Variants in VSNL1 observed in about 807,000 individuals in gnomAD.
VSNL1 encodes the protein visinin-like protein 1.
VSNL1 carries 6 observed loss-of-function variants against 20.4 expected under a neutral mutation model. The observed-to-expected ratio is 0.29, with a 90% CI of 0.16 to 0.58. The LOEUF is 0.58. Among genes scored for constraint, VSNL1 ranks in the 20% least tolerant of loss-of-function variants. The pLI, the probability that VSNL1 is intolerant of heterozygous loss-of-function variation, is 0.90. For synonymous variants in VSNL1, 93 were observed against 86.4 expected, an observed-to-expected ratio of 1.08 and a Z score of -0.42; for missense variants, 100 against 234.5, an observed-to-expected ratio of 0.43 and a Z score of 3.75.
chr2:17,653,322 T>C (rs1666159758), intron 3 of VSNL1, among the ~76,000 whole-genome samples: 1 of 152,220 alleles, frequency 6.6e-6, no homozygotes, highest in South Asian at 2.1e-4. Flanking sequence ...CTTATTACCC[T>C]GACTTTATTA....
Position 17,586,522 on chromosome 2 carries a change from A to G in VSNL1, c.-5-5548A>G, listed in dbSNP as rs566100078. Among the ~76,000 whole-genome samples, 9 of 152,320 alleles carry G rather than the reference A, an allele frequency of 5.9e-5. No individual in the cohort carries two copies. The South Asian group carries it at 1.0e-3, about 18-fold the overall frequency. On this transcript the variant is annotated intron_variant, in intron 1 of 3. Coordinates refer to ENST00000295156, the MANE Select transcript of VSNL1 (RefSeq NM_003385.5). ...CCTCTGTGTTATGTAGCTCTCTACT[A>G]TGAGTATTCATTTCATCATGCTTCA... is the stretch of plus-strand genomic sequence containing the variant.
Position 17,557,435 on chromosome 2 carries a change from G to A in VSNL1, c.-6+16517G>A, listed in dbSNP as rs570303337. Among the ~76,000 whole-genome samples the A allele has an allele frequency of 2.0e-5, 3 of 152,266 alleles. No homozygotes were observed. The South Asian group carries it at 6.2e-4, about 32-fold the overall frequency. On this transcript the variant is annotated intron_variant, in intron 1 of 3. Transcript: ENST00000295156. ...AGATTAGAGTCTAGCTGGAGGAATG[G>A]ATATTAAACAAATAATCACAAAATG...
At chr2:17,578,306 C>G (rs998128774) in intron 1 of VSNL1, among the ~76,000 whole-genome samples, 5 of 152,154 alleles carry the variant, frequency 3.3e-5, no homozygotes, top group Non-Finnish European at 5.9e-5. Context: ...ATAACTGGCT[C>G]TTTGGATTCT....
intron 1 of VSNL1, among the ~76,000 whole-genome samples, chr2:17,575,208 G>T (rs1664179016): frequency 6.6e-6 from 1 of 152,168 alleles, no homozygotes; most frequent in Non-Finnish European, 1.5e-5. Flanking sequence ...AGAAATGCAG[G>T]CTGGTTGCTG....
chr2:17,595,730 G>A (rs62132125), intron 2 of VSNL1, among the ~76,000 whole-genome samples: 16,688 of 152,094 alleles, frequency 0.11, 1,184 homozygotes, highest in African/African-American at 0.2. Flanking sequence ...GTGTCTTTAG[G>A]AGAGGAAATT....
chr2:17,555,919 G>T (rs890227278), intron 1 of VSNL1, among the ~76,000 whole-genome samples: 7 of 152,100 alleles, frequency 4.6e-5, no homozygotes, highest in Admixed American at 1.3e-4. Flanking sequence ...GAGACATAAA[G>T]ATCCTTAAGA....
chr2:17,541,151 G>C (rs1663277169), intron 1 of VSNL1: 1 of 151,298 alleles, frequency 6.6e-6, no homozygotes, highest in Admixed American at 6.6e-5. Context: ...GTGTTTGGGG[G>C]ATTGTCTTAG....
Position 17,655,437 on chromosome 2 carries a change from C to T in VSNL1, c.*43C>T. On this transcript the variant is annotated 3_prime_UTR_variant, in exon 4 of 4. Coordinates refer to ENST00000295156, the MANE Select transcript of VSNL1 (RefSeq NM_003385.5). This position sits in a 1 kb window ranked among gnomAD's most constrained non-coding sequence, Gnocchi z 5.2. ...GGACTGCACAAAAGTCTCAATGTTC[C>T]ATTCAGTCTGCAGCTATTCACACAC... The T allele has an allele frequency of 7.1e-7, 1 of 1,402,806 alleles. No homozygotes were observed. Among genetic ancestry groups the T allele is most frequent in the Admixed American group, 1.7e-5 (1 of 58,300 alleles). The allele number at this position is 1,402,806 out of a possible 1,614,324, so 86.9% of individuals were successfully genotyped here. A position where few individuals can be genotyped will look rare whatever the true frequency, so the allele number is the denominator to read the frequency against.
chr2:17,595,092 T>G (rs1664682722), intron 2 of VSNL1, among the ~76,000 whole-genome samples: 1 of 152,156 alleles, frequency 6.6e-6, no homozygotes, highest in South Asian at 2.1e-4. Context: ...GAGTGAGATT[T>G]GTAAAACACA....
At position 17,649,525 on chromosome 2, in the gene VSNL1, C is replaced by T. The variant is rs1216366727; in HGVS notation, c.278C>T (p.Ser93Phe). 1 of 1,614,170 alleles carries T rather than the reference C, an allele frequency of 6.2e-7. No homozygotes were observed. Among genetic ancestry groups the T allele is most frequent in the Non-Finnish European group, 8.5e-7 (1 of 1,180,034 alleles). ...TTCATCTGCGCTCTGTCCATCACCT[C>T]CAGGGGCAGCTTTGAGCAGAAGCTG... ...REFICALSITSRGSFEQKLNW... is the reference protein window; with the variant it reads ...REFICALSITFRGSFEQKLNW... Residue 93 changes from serine (S) to phenylalanine (F), a missense_variant, in exon 3 of 4, where the codon TCC becomes TTC. Physicochemically the swap from Ser to Phe is radical, Grantham distance 155. Coordinates refer to ENST00000295156, the MANE Select transcript of VSNL1 (RefSeq NM_003385.5). This position sits in a 1 kb window ranked among gnomAD's most constrained non-coding sequence, Gnocchi z 6.4.
intron 2 of VSNL1, among the ~76,000 whole-genome samples, chr2:17,602,112 T>G (rs950123625): frequency 1.9e-4 from 29 of 152,214 alleles, no homozygotes; most frequent in African/African-American, 7.0e-4. Context: ...TGACCCACCT[T>G]GGGTCTGTGA....
chr2:17,545,459 G>C (rs551419000), intron 1 of VSNL1, among the ~76,000 whole-genome samples: 4 of 151,964 alleles, frequency 2.6e-5, no homozygotes, highest in African/African-American at 9.7e-5. Context: ...CTATTTACAA[G>C]AATAAGAATA....
At chr2:17,647,743 A>G (rs1247091129) in intron 2 of VSNL1, among the ~76,000 whole-genome samples, 1 of 152,138 alleles carries the variant, frequency 6.6e-6, no homozygotes, top group East Asian at 1.9e-4. Flanking sequence ...CCTCTGTTCT[A>G]GTTCTTATCA....
intron 2 of VSNL1, among the ~76,000 whole-genome samples, chr2:17,619,067 C>T (rs1044119507): frequency 2.6e-5 from 4 of 152,184 alleles, no homozygotes; most frequent in Non-Finnish European, 2.9e-5. Context: ...CACTGTGTGC[C>T]ACACGGCAGG....
rs150979942 is a variant in VSNL1 at position 17,579,002 on chromosome 2, C to A, written c.-5-13068C>A. Among the ~76,000 whole-genome samples, 282 of 152,358 alleles carry A rather than the reference C, an allele frequency of 1.9e-3. 3 individuals are homozygous for A. Among genetic ancestry groups the A allele is most frequent in the African/African-American group, 6.5e-3 (270 of 41,584 alleles). On this transcript the variant is annotated intron_variant, in intron 1 of 3. Transcript: ENST00000295156. ...TTCCTCCAGCTTCTTTTTTGTGAAT[C>A]TTCTGTTGGCTCCTCATCAACAAGT...
In VSNL1 at chr2:17,649,030, T is replaced by C. The variant is rs752057810; in HGVS notation, c.163-380T>C. Reference sequence around the variant, plus strand: ...CCAGATTCTCATATCTAGAGGAACATTGAAGTTCGTGTAGCACCACCTGTG... The same window carrying C: ...CCAGATTCTCATATCTAGAGGAACACTGAAGTTCGTGTAGCACCACCTGTG... On this transcript the variant is annotated intron_variant, in intron 2 of 3. Coordinates refer to ENST00000295156, the MANE Select transcript of VSNL1 (RefSeq NM_003385.5). The surrounding 1 kb of genome is among the most constrained non-coding windows in gnomAD (Gnocchi z 6.4). Among the ~76,000 whole-genome samples, 15 of 152,138 alleles carry C rather than the reference T, an allele frequency of 9.9e-5. No individual in the cohort carries two copies. Among genetic ancestry groups the C allele is most frequent in the Non-Finnish European group, 1.6e-4 (11 of 68,022 alleles).
chr2:17,560,197 C>CAT (rs34898980), intron 1 of VSNL1, among the ~76,000 whole-genome samples: 135,934 of 148,004 alleles, frequency 0.92, 62,925 homozygotes, highest in East Asian at 1. Flanking sequence ...AGGAAAACAT[C>CAT]ATATATATAT....
At chr2:17,540,319 T>A (rs1046481223), upstream of VSNL1, 1 of 152,470 alleles carries the variant, frequency 6.6e-6, no homozygotes, top group Non-Finnish European at 1.5e-5. Flanking sequence ...CTCCACGTGT[T>A]CCATCTCTGG....
chr2:17,608,805 A>G (rs1237220480), intron 2 of VSNL1, among the ~76,000 whole-genome samples: 1 of 152,182 alleles, frequency 6.6e-6, no homozygotes, highest in African/African-American at 2.4e-5. Context: ...ACGATTTCCA[A>G]GCTGTCATAG....
Sources: allele counts gnomAD v4.1 joint callset (sites outside exome capture counted in the v4.1 genomes callset), GRCh38; gene constraint gnomAD v4.1.1; non-coding constraint Gnocchi (gnomAD v3.1); transcripts MANE v1.5; gene names NCBI Gene and HGNC (gene_info 2026-07-23, HGNC 2026-07-21).